Variants in CRACR2A observed in about 807,000 individuals in gnomAD.
CRACR2A encodes the protein calcium release activated channel regulator 2A, also known as EF-hand calcium-binding domain-containing protein 4B.
A neutral mutation model predicts 90.5 loss-of-function variants in CRACR2A; 79 were observed. The ratio of observed to expected loss-of-function variants is 0.87; its 90% confidence interval spans 0.73 to 1.05. The LOEUF is 1.05. Ranked by LOEUF, CRACR2A falls within the 50% of genes least tolerant of loss-of-function variation. CRACR2A has a pLI of 0.00. For synonymous variants in CRACR2A, 338 were observed against 356.7 expected, an observed-to-expected ratio of 0.95 and a Z score of 0.59; for missense variants, 823 against 897.2, an observed-to-expected ratio of 0.92 and a Z score of 1.06.
Position 3,627,536 on chromosome 12 carries a change from G to A in CRACR2A, c.1832C>T (p.Thr611Ile), listed in dbSNP as rs1944289149. 6 of 1,551,502 alleles carry A rather than the reference G, an allele frequency of 3.9e-6. No homozygotes were observed. Among genetic ancestry groups the A allele is most frequent in the South Asian group, 1.2e-5 (1 of 84,070 alleles). Residue 611 changes from threonine to isoleucine, a missense_variant, in exon 17 of 20, where the codon ACC becomes ATC. Coordinates refer to ENST00000440314, the MANE Select transcript of CRACR2A (RefSeq NM_001144958.2). ...TAGQERYRCI[T>I]QQFFRKADGV... ...ATCTGCCTTTCTGAAGAACTGCTGG[G>A]TGATGCACCGGTACCTGCCACAGAA... is the stretch of plus-strand genomic sequence containing the variant.
At chr12:3,667,165 T>C (rs928090803) in intron 7 of CRACR2A, among the ~76,000 whole-genome samples, 2 of 152,192 alleles carry the variant, frequency 1.3e-5, no homozygotes, top group Admixed American at 1.3e-4. Context: ...GTATTCCCTA[T>C]GCCTTTGGTT....
At position 3,659,574 on chromosome 12, in the gene CRACR2A, A is replaced by C; in HGVS notation, c.752T>G (p.Phe251Cys). 1 of 1,614,144 alleles carries C rather than the reference A, an allele frequency of 6.2e-7. No homozygotes were observed. The highest frequency in any genetic ancestry group is 8.5e-7 in the Non-Finnish European group (1 of 1,179,990). ...EQQIKSEKEQ[F>C]LLKDTERFQA... Reference sequence around the variant, plus strand: ...GGAGCGTACACTTACCTTCAGGAGAAACTGCTCCTTCTCACTTTTGATTTG... The same window carrying C: ...GGAGCGTACACTTACCTTCAGGAGACACTGCTCCTTCTCACTTTTGATTTG... The change falls in exon 8 of 20, where the codon TTT becomes TGT. Residue 251 changes from phenylalanine (F) to cysteine (C), a missense_variant. By Grantham distance (205) the Phe-to-Cys change is radical (BLOSUM62 -2). Transcript: ENST00000440314.
intron 11 of CRACR2A, among the ~76,000 whole-genome samples, chr12:3,645,633 G>A (rs1011529910): frequency 6.6e-6 from 1 of 152,170 alleles, no homozygotes; most frequent in Non-Finnish European, 1.5e-5. Flanking sequence ...GACACTTGAC[G>A]AATATTTTTA....
chr12:3,733,906 C>T (rs1447827928), intron 1 of CRACR2A, among the ~76,000 whole-genome samples: 2 of 145,264 alleles, frequency 1.4e-5, no homozygotes, highest in African/African-American at 5.1e-5. Flanking sequence ...CACACACACA[C>T]ACACACTTTT....
At chr12:3,694,455 G>C (rs1027770457) in intron 4 of CRACR2A, among the ~76,000 whole-genome samples, 1 of 152,176 alleles carries the variant, frequency 6.6e-6, no homozygotes, top group African/African-American at 2.4e-5. Flanking sequence ...CAGTTCCCAT[G>C]AGGCTGTGCT....
At chr12:3,723,511 T>C (rs1946214756) in intron 2 of CRACR2A, among the ~76,000 whole-genome samples, 1 of 152,062 alleles carries the variant, frequency 6.6e-6, no homozygotes, top group South Asian at 2.1e-4. Flanking sequence ...GGAAACGTTT[T>C]CACACGTCTC....
rs1024889255 is a variant in CRACR2A, at chr12:3,734,272, C to T, written c.-386-1062G>A. 5.3e-5 allele frequency among the ~76,000 whole-genome samples: 8 copies of T among 152,062 alleles called. No homozygotes were observed. The East Asian group carries it at 7.7e-4, about 15-fold the overall frequency. On this transcript the variant is annotated intron_variant, in intron 1 of 19. Coordinates refer to ENST00000440314, the MANE Select transcript of CRACR2A (RefSeq NM_001144958.2). Reference sequence around the variant, plus strand: ...GATTACAGGTATGAGCCACCCCACCCGGCCTGTATTTTCAATAAATTCTGC... The same window carrying T: ...GATTACAGGTATGAGCCACCCCACCTGGCCTGTATTTTCAATAAATTCTGC...
intron 4 of CRACR2A, among the ~76,000 whole-genome samples, chr12:3,685,274 A>G (rs1945532237): frequency 6.6e-6 from 1 of 152,230 alleles, no homozygotes; most frequent in African/African-American, 2.4e-5. Context: ...GACAACTTGC[A>G]CCTTAAAATT....
intron 7 of CRACR2A, among the ~76,000 whole-genome samples, chr12:3,664,578 T>C (rs542504757): frequency 6.6e-6 from 1 of 152,372 alleles, no homozygotes; most frequent in East Asian, 1.9e-4. Context: ...ATTCCCCGTT[T>C]ATCTTCCTAT....
At chr12:3,676,788 T>G (rs1747026025) in intron 6 of CRACR2A, among the ~76,000 whole-genome samples, 1 of 152,058 alleles carries the variant, frequency 6.6e-6, no homozygotes, top group African/African-American at 2.4e-5. Context: ...CACGCCACCA[T>G]GAAGTAAATG....
In CRACR2A at chr12:3,655,554, CA is replaced by C. The variant is rs1239697414; in HGVS notation, c.858+756del. Among the ~76,000 whole-genome samples the C allele has an allele frequency of 2.0e-5, 3 of 152,346 alleles. No homozygotes were observed. The East Asian group carries it at 5.8e-4, about 29-fold the overall frequency. ...GGATTCCTTCCAGCACCAGGCACAACAAAACAGGAGGCCAGTGGCACCCTAG... is the reference window on the plus strand; with the variant it reads ...GGATTCCTTCCAGCACCAGGCACAACAAACAGGAGGCCAGTGGCACCCTAG... On this transcript the variant is annotated intron_variant, in intron 9 of 19. Coordinates refer to ENST00000440314, the MANE Select transcript of CRACR2A (RefSeq NM_001144958.2).
intron 8 of CRACR2A, among the ~76,000 whole-genome samples, chr12:3,658,055 T>G (rs1004001026): frequency 1.3e-5 from 2 of 152,160 alleles, no homozygotes; most frequent in Non-Finnish European, 2.9e-5. Flanking sequence ...CTGAGCAGTT[T>G]CCATGTTCAC....
chr12:3,707,515 A>T (rs1207571409), intron 3 of CRACR2A, among the ~76,000 whole-genome samples: 1 of 152,254 alleles, frequency 6.6e-6, no homozygotes, highest in African/African-American at 2.4e-5. Flanking sequence ...AAGCCCTATT[A>T]TGATTAGCTT....
chr12:3,719,996 G>A (rs1371296175), intron 2 of CRACR2A, among the ~76,000 whole-genome samples: 1 of 151,846 alleles, frequency 6.6e-6, no homozygotes, highest in Non-Finnish European at 1.5e-5. Context: ...GCGGGCGCCT[G>A]TAATCCCAGT....
At chr12:3,642,884 C>T (rs1449532534) in intron 12 of CRACR2A, among the ~76,000 whole-genome samples, 1 of 152,146 alleles carries the variant, frequency 6.6e-6, no homozygotes, top group East Asian at 1.9e-4. Flanking sequence ...CCCAGTGATC[C>T]TTAATGAGAG....
At position 3,638,190 on chromosome 12, in the gene CRACR2A, G is replaced by A. The variant is rs955235467; in HGVS notation, c.1536C>T (p.Ala512=). 1.3e-6 allele frequency: 2 copies of A among 1,551,220 alleles called. No homozygotes were observed. Among genetic ancestry groups the A allele is most frequent in the African/African-American group, 2.7e-5 (2 of 73,136 alleles). The change falls in exon 14 of 20, where the codon GCC becomes GCT. Residue 512 remains alanine (A), a synonymous_variant. Coordinates refer to ENST00000440314, the MANE Select transcript of CRACR2A (RefSeq NM_001144958.2). ...DQGVQGQIPE[A]PPLKLTPTSP... ...ATGTGGGGGTGAGTTTCAAGGGTGGGGCCTCCGGGATTTGTCCCTGTACCC... is the reference window on the plus strand; with the variant it reads ...ATGTGGGGGTGAGTTTCAAGGGTGGAGCCTCCGGGATTTGTCCCTGTACCC...
At chr12:3,648,112 A>G in intron 11 of CRACR2A, 1 of 1,008,344 alleles carries the variant, frequency 9.9e-7, no homozygotes, top group Non-Finnish European at 1.2e-6. Flanking sequence ...CCTGTGGTAA[A>G]TTACTTCTTT....
chr12:3,683,873 A>G (rs1945502642), intron 4 of CRACR2A, among the ~76,000 whole-genome samples: 1 of 152,154 alleles, frequency 6.6e-6, no homozygotes, highest in South Asian at 2.1e-4. Context: ...GCTGGTCTAG[A>G]CCTCACACAC....
intron 7 of CRACR2A, among the ~76,000 whole-genome samples, chr12:3,664,033 T>G (rs975497469): frequency 6.6e-6 from 1 of 152,264 alleles, no homozygotes; most frequent in Non-Finnish European, 1.5e-5. Flanking sequence ...CAGTTGGTCA[T>G]GCAGTGTTTC....
Sources: allele counts gnomAD v4.1 joint callset (sites outside exome capture counted in the v4.1 genomes callset), GRCh38; gene constraint gnomAD v4.1.1; transcripts MANE v1.5; gene names NCBI Gene and HGNC (gene_info 2026-07-23, HGNC 2026-07-21).